ZNF644: variants seen among roughly 807,000 people sequenced by gnomAD.
ZNF644 encodes zinc finger motif enhancer binding protein 2.
A neutral mutation model predicts 108.0 loss-of-function variants in ZNF644; 20 were observed. The ratio of observed to expected loss-of-function variants is 0.19; its 90% CI spans 0.13 to 0.27. ZNF644 has a LOEUF of 0.27. Among genes scored for constraint, ZNF644 ranks in the 10% least tolerant of loss-of-function variants. The pLI is 1.00. For missense variants in ZNF644, 1,338 were observed against 1,548.9 expected (o/e 0.86, Z 2.29); for synonymous variants, 542 against 539.1 (o/e 1.01, Z -0.08).
At chr1:91,001,990 C>A (rs1570555882) in intron 1 of ZNF644, among the ~76,000 whole-genome samples, 1 of 152,174 alleles carries the variant, frequency 6.6e-6, no homozygotes, top group Admixed American at 6.5e-5. Flanking sequence ...AGGACCTCCT[C>A]AAGGAGAACT....
chr1:90,926,559 T>C (rs1391929061), intron 4 of ZNF644, among the ~76,000 whole-genome samples: 4 of 152,178 alleles, frequency 2.6e-5, no homozygotes, highest in Non-Finnish European at 4.4e-5. Flanking sequence ...TTTGTTATAG[T>C]GGATAGCTGG....
chr1:91,020,976 T>C (rs1008604237), intron 1 of ZNF644: 3 of 152,192 alleles, frequency 2.0e-5, no homozygotes, highest in Non-Finnish European at 2.9e-5. Context: ...TCAAAGTCAA[T>C]ATTCAAGAAA....
intron 1 of ZNF644, among the ~76,000 whole-genome samples, chr1:91,004,111 C>T (rs1198392773): frequency 6.6e-6 from 1 of 151,902 alleles, no homozygotes; most frequent in Non-Finnish European, 1.5e-5. Context: ...AGGAGTTCTA[C>T]AAAAGAGGGG....
intron 2 of ZNF644, among the ~76,000 whole-genome samples, chr1:90,979,866 T>C (rs1311267705): frequency 6.6e-6 from 1 of 152,324 alleles, no homozygotes; most frequent in South Asian, 2.1e-4. Flanking sequence ...ACAATGACAG[T>C]CTTACTTTAG....
At chr1:90,934,351 C>T (rs1481166857) in intron 4 of ZNF644, among the ~76,000 whole-genome samples, 2 of 151,714 alleles carry the variant, frequency 1.3e-5, no homozygotes, top group Non-Finnish European at 2.9e-5. Context: ...TGAGGAAGAA[C>T]AAAAAAGCTG....
In ZNF644 at chr1:90,994,893, G is replaced by A. The variant is rs142232121; in HGVS notation, c.-17-12523C>T. 2.7e-3 allele frequency among the ~76,000 whole-genome samples: 407 copies of A among 152,246 alleles called. 2 individuals are homozygous for A. Among genetic ancestry groups the A allele is most frequent in the African/African-American group, 9.4e-3 (389 of 41,534 alleles). On this transcript the variant is annotated intron_variant, in intron 1 of 5. Transcript: ENST00000337393. ...CAATGGAAAGCTAGAAGAAAACAGA[G>A]ATGGCCGTGGCTGCATACATCAGGG...
intron 2 of ZNF644, among the ~76,000 whole-genome samples, chr1:90,947,439 A>G (rs1652635749): frequency 6.6e-6 from 1 of 152,204 alleles, no homozygotes; most frequent in Admixed American, 6.5e-5. Context: ...ATCTGTTCAA[A>G]TTATTAACTG....
intron 1 of ZNF644, among the ~76,000 whole-genome samples, chr1:91,019,079 A>G (rs1660662408): frequency 6.6e-6 from 1 of 152,260 alleles, no homozygotes; most frequent in African/African-American, 2.4e-5. Flanking sequence ...AAACTTTTAA[A>G]ACCTTAAAAC....
At chr1:91,016,411 G>A (rs1326242913) in intron 1 of ZNF644, among the ~76,000 whole-genome samples, 1 of 152,100 alleles carries the variant, frequency 6.6e-6, no homozygotes, top group Admixed American at 6.5e-5. Flanking sequence ...AGGCTACTTG[G>A]TATAGCCTAT....
chr1:90,999,000 G>A (rs1486920344), intron 1 of ZNF644, among the ~76,000 whole-genome samples: 1 of 152,136 alleles, frequency 6.6e-6, no homozygotes, highest in Admixed American at 6.5e-5. Context: ...AGAAAAAAGA[G>A]TAAAAAGAAG....
chr1:91,007,220 A>ATTTTTTTTTTTTTTTTTT (rs1557658483), intron 1 of ZNF644, among the ~76,000 whole-genome samples: 4 of 30,276 alleles, frequency 1.3e-4, no homozygotes, highest in Admixed American at 3.6e-4. Context: ...ATTTTCTCCC[A>ATTTTTTTTTTTTTTTTTT]TTTTGTTTTT....
chr1:90,976,040 T>C (rs1363803006), intron 2 of ZNF644, among the ~76,000 whole-genome samples: 1 of 152,192 alleles, frequency 6.6e-6, no homozygotes, highest in East Asian at 1.9e-4. Context: ...TGGTAAAATG[T>C]GAACTTCAGT....
At chr1:91,003,556 A>T (rs1309232684) in intron 1 of ZNF644, among the ~76,000 whole-genome samples, 1 of 152,264 alleles carries the variant, frequency 6.6e-6, no homozygotes, top group African/African-American at 2.4e-5. Flanking sequence ...GGGGAGGGAT[A>T]GCATTAGGAG....
intron 2 of ZNF644, among the ~76,000 whole-genome samples, chr1:90,970,327 C>T (rs971965985): frequency 1.3e-5 from 2 of 152,108 alleles, no homozygotes; most frequent in Non-Finnish European, 2.9e-5. Context: ...CCTTTCTTGT[C>T]GCTGAGAAAA....
At chr1:90,941,450 A>G in intron 2 of ZNF644, 141 bp from the exon 3 acceptor site, 1 of 794,938 alleles carries the variant, frequency 1.3e-6, no homozygotes. Flanking sequence ...CCAAGAATGA[A>G]AGAACACAAA....
rs566568739 is a variant in ZNF644, at chr1:90,915,868, G to T, written c.*930C>A. 2.0e-5 allele frequency: 3 copies of T among 152,672 alleles called. No homozygotes were observed. The East Asian group carries it at 5.8e-4, about 29-fold the overall frequency. 9.5% of individuals were successfully genotyped at this position (152,672 alleles called of 1,614,324 possible). On this transcript the variant is annotated 3_prime_UTR_variant, in exon 6 of 6. Transcript: ENST00000337393. ...GAACGTCTATTCTAAACTGTGTAGT[G>T]AGCATTGTTTATTAATTACATTTCT...
At chr1:90,926,560 G>A (rs917496876) in intron 4 of ZNF644, among the ~76,000 whole-genome samples, 2 of 152,150 alleles carry the variant, frequency 1.3e-5, no homozygotes, top group Non-Finnish European at 2.9e-5. Flanking sequence ...TTGTTATAGT[G>A]GATAGCTGGA....
chr1:90,947,540 T>C (rs1319731219), intron 2 of ZNF644, among the ~76,000 whole-genome samples: 3 of 152,214 alleles, frequency 2.0e-5, no homozygotes, highest in East Asian at 3.8e-4. Context: ...GAAAGTATTA[T>C]GCCATAAATT....
At position 90,940,545 on chromosome 1, in the gene ZNF644, A is replaced by AT; in HGVS notation, c.808dup (p.Met270AsnfsTer3). On this transcript the variant is annotated frameshift_variant, in exon 3 of 6. Coordinates refer to ENST00000337393, the MANE Select transcript of ZNF644 (RefSeq NM_201269.3). LOFTEE classifies it high-confidence loss of function. ...TTTATCTACTGTTTCCTCATTAGTC[A>AT]TAAGAAATTGAATGAACTCTTTTTG... is the stretch of plus-strand genomic sequence containing the variant. 6.2e-7 allele frequency: 1 copy of AT among 1,613,892 alleles called. No individual in the cohort carries two copies. The highest frequency in any genetic ancestry group is 8.5e-7 in the Non-Finnish European group (1 of 1,179,954).
Sources: gnomAD v4.1 joint callset for allele counts (sites outside exome capture counted in the v4.1 genomes callset) on GRCh38, gnomAD v4.1.1 for gene constraint, MANE v1.5 for transcripts, NCBI Gene and HGNC (gene_info 2026-07-23, HGNC 2026-07-21) for gene names.